LUC7L2: variants seen among roughly 807,000 people sequenced by gnomAD.
LUC7L2 encodes putative RNA-binding protein Luc7-like 2.
A neutral mutation model predicts 52.8 loss-of-function variants in LUC7L2; 25 were observed. The observed-to-expected ratio is 0.47, with a 90% CI of 0.34 to 0.66. LUC7L2 has a LOEUF of 0.66. Among genes scored for constraint, LUC7L2 ranks in the 30% least tolerant of loss-of-function variants. The pLI, the probability that LUC7L2 is intolerant of heterozygous loss-of-function variation, is 0.01. For synonymous variants in LUC7L2, 144 were observed against 160.9 expected (o/e 0.89, Z 0.80); for missense variants, 328 against 497.8 (o/e 0.66, Z 3.25).
In LUC7L2 at chr7:139,350,831, A is replaced by C. The variant is rs184931521; in HGVS notation, c.-26+10314A>C. On this transcript the variant is annotated intron_variant, in intron 1 of 10. Coordinates refer to the LUC7L2 transcript ENST00000541170. ...GCTGGGATTAACAGGCGCCCGCCAC[A>C]ACGCCTGGCTAATTTTGTATTTTTA... 3.3e-3 allele frequency among the ~76,000 whole-genome samples: 500 copies of C among 151,824 alleles called. 2 individuals are homozygous for C. The highest frequency in any genetic ancestry group is 0.011 in the African/African-American group (435 of 41,386).
At chr7:139,366,494 A>ACTAG (rs1304151523) in intron 1 of LUC7L2, among the ~76,000 whole-genome samples, 1 of 152,036 alleles carries the variant, frequency 6.6e-6, no homozygotes, top group Non-Finnish European at 1.5e-5. Flanking sequence ...TAATAGTTTA[A>ACTAG]TAGTTAAAGT....
Position 139,341,293 on chromosome 7 carries a change from G to C in LUC7L2, c.-26+776G>C, listed in dbSNP as rs996315099. The C allele has an allele frequency of 2.6e-6, 4 of 1,518,622 alleles. No individual in the cohort carries two copies. The African/African-American group carries it at 5.5e-5, about 21-fold the overall frequency. The allele number at this position is 1,518,622 out of a possible 1,614,324, so 94.1% of individuals were successfully genotyped here. A position where few individuals can be genotyped will look rare whatever the true frequency, so the allele number is the denominator to read the frequency against. On this transcript the variant is annotated intron_variant, in intron 1 of 10. Transcript: ENST00000541170. ...AGTCGATAGGGGGAGTCGGTAGTCTGTCCGACCGTACCATTAGGCGCCTGG... is the reference window on the plus strand; with the variant it reads ...AGTCGATAGGGGGAGTCGGTAGTCTCTCCGACCGTACCATTAGGCGCCTGG...
chr7:139,375,944 T>G, intron 1 of LUC7L2, 118 bp from the exon 2 acceptor site: 5 of 1,024,684 alleles, frequency 4.9e-6, no homozygotes, highest in Non-Finnish European at 7.1e-6. Flanking sequence ...TAATCCCTCT[T>G]GAGCTGATTT....
intron 1 of LUC7L2, chr7:139,340,559 C>T (rs528081704): frequency 2.0e-5 from 8 of 398,184 alleles, no homozygotes; most frequent in South Asian, 1.3e-4. Context: ...TGTTCTCTAA[C>T]TACAACTCCC....
intron 2 of LUC7L2, among the ~76,000 whole-genome samples, chr7:139,387,339 G>A (rs1794246622): frequency 2.0e-5 from 3 of 151,682 alleles, no homozygotes; most frequent in Non-Finnish European, 2.9e-5. Flanking sequence ...GACTGCAGGC[G>A]CCTGCCACCA....
At chr7:139,404,831 G>A (rs761418358) in intron 4 of LUC7L2, among the ~76,000 whole-genome samples, 4 of 152,180 alleles carry the variant, frequency 2.6e-5, no homozygotes, top group Non-Finnish European at 5.9e-5. Context: ...TTGTGGGATA[G>A]GTACTTCTTA....
At chr7:139,340,750 G>T in intron 1 of LUC7L2, 1 of 376,888 alleles carries the variant, frequency 2.7e-6, no homozygotes, top group African/African-American at 2.1e-5. Flanking sequence ...CAGGGATTGT[G>T]GGTTCGAGTC....
Position 139,380,595 on chromosome 7 carries a change from G to A in LUC7L2, c.156+4439G>A, listed in dbSNP as rs182361594. On this transcript the variant is annotated intron_variant, in intron 2 of 9. Coordinates refer to ENST00000354926, the MANE Select transcript of LUC7L2 (RefSeq NM_016019.5). ...AGCCTGAGCAAAAGAGCGAGACACCGTTTAAAAAAATAATAATAAAATAAG... is the reference window on the plus strand; with the variant it reads ...AGCCTGAGCAAAAGAGCGAGACACCATTTAAAAAAATAATAATAAAATAAG... Among the ~76,000 whole-genome samples the A allele has an allele frequency of 1.2e-4, 19 of 152,148 alleles. No individual in the cohort carries two copies. The East Asian group carries it at 1.9e-3, about 15-fold the overall frequency.
chr7:139,405,260 A>G (rs1795069585), intron 4 of LUC7L2, among the ~76,000 whole-genome samples: 1 of 152,222 alleles, frequency 6.6e-6, no homozygotes, highest in African/African-American at 2.4e-5. Flanking sequence ...AGTATATGCA[A>G]AGTAACAGAG....
Position 139,405,712 on chromosome 7 carries a change from T to C in LUC7L2, c.435T>C (p.Ala145=). 1 of 1,613,310 alleles carries C rather than the reference T, an allele frequency of 6.2e-7. No individual in the cohort carries two copies. Among genetic ancestry groups the C allele is most frequent in the Non-Finnish European group, 8.5e-7 (1 of 1,179,740 alleles). ...KLLAKVEQLG[A]EGNVEESQKV... is the part of the protein sequence containing the mutation. ...TAGCCAAGGTGGAACAACTAGGAGC[T>C]GAAGGGAATGTGGAGGAATCCCAGA... The change falls in exon 5 of 10, where the codon GCT becomes GCC. Residue 145 remains alanine, a synonymous_variant. Transcript: ENST00000354926.
chr7:139,385,012 A>G (rs1158025792), intron 2 of LUC7L2, among the ~76,000 whole-genome samples: 2 of 152,284 alleles, frequency 1.3e-5, no homozygotes, highest in South Asian at 2.1e-4. Flanking sequence ...TTTTTTCCCC[A>G]TGGTGACCCA....
intron 3 of LUC7L2, among the ~76,000 whole-genome samples, chr7:139,399,354 T>C (rs1357657772): frequency 2.0e-5 from 3 of 151,700 alleles, no homozygotes; most frequent in Non-Finnish European, 4.4e-5. Context: ...CACCATTTTA[T>C]ATTAAACGTG....
chr7:139,378,314 T>G (rs1800823183), intron 2 of LUC7L2, among the ~76,000 whole-genome samples: 1 of 152,064 alleles, frequency 6.6e-6, no homozygotes, highest in African/African-American at 2.4e-5. Context: ...AAATTACTAC[T>G]TGAGATAAAT....
chr7:139,405,639 T>C lies in LUC7L2; in HGVS notation c.367-5T>C. On this transcript the variant is annotated splice_region_variant and splice_polypyrimidine_tract_variant and intron_variant, in intron 4 of 9. Coordinates refer to ENST00000354926, the MANE Select transcript of LUC7L2 (RefSeq NM_016019.5). ...TTCATGATCTTCTTTTTTATTTCTT[T>C]TTAGGCAGAACGTGTTCATGAGTTA... is the stretch of plus-strand genomic sequence containing the variant. 1 of 1,582,746 alleles carries C rather than the reference T, an allele frequency of 6.3e-7. No homozygotes were observed.
At chr7:139,385,158 GTTTA>G (rs1231924184) in intron 2 of LUC7L2, among the ~76,000 whole-genome samples, 5 of 152,094 alleles carry the variant, frequency 3.3e-5, no homozygotes, top group East Asian at 3.9e-4. Flanking sequence ...TAGTGTTGAT[GTTTA>G]TTTAATGAAT....
At chr7:139,358,748 C>T (rs1166253247), upstream of LUC7L2, among the ~76,000 whole-genome samples, 1 of 152,120 alleles carries the variant, frequency 6.6e-6, no homozygotes, top group Non-Finnish European at 1.5e-5. Flanking sequence ...GCAGTGGCGT[C>T]ATCTCGACTC....
chr7:139,394,362 C>T (rs977083186), intron 2 of LUC7L2, among the ~76,000 whole-genome samples: 1 of 152,184 alleles, frequency 6.6e-6, no homozygotes, highest in Non-Finnish European at 1.5e-5. Context: ...GCATCTTCCC[C>T]ATGGCATGCC....
intron 4 of LUC7L2, among the ~76,000 whole-genome samples, chr7:139,405,218 C>T (rs992000816): frequency 6.6e-6 from 1 of 151,856 alleles, no homozygotes; most frequent in African/African-American, 2.4e-5. Flanking sequence ...AGTAGGCAGG[C>T]GAGAGGTAAG....
At chr7:139,412,207 A>G (rs1455696684) in intron 7 of LUC7L2, among the ~76,000 whole-genome samples, 1 of 151,666 alleles carries the variant, frequency 6.6e-6, no homozygotes, top group Non-Finnish European at 1.5e-5. Context: ...GCAACAAAAA[A>G]TGTAAAAATT....
Sources: allele counts gnomAD v4.1 joint callset (sites outside exome capture counted in the v4.1 genomes callset), GRCh38; gene constraint gnomAD v4.1.1; transcripts MANE v1.5; gene names NCBI Gene and HGNC (gene_info 2026-07-23, HGNC 2026-07-21).